The following CAPS2 variants were observed in gnomAD, a reference collection of about 807,000 sequenced individuals.
The protein encoded by CAPS2 is calcyphosine 2, also known as calcyphosin-2.
In CAPS2, 98 loss-of-function variants were observed where a neutral mutation model predicts 86.5. That is an observed-to-expected ratio of 1.13 (90% confidence interval 0.96 to 1.34). The LOEUF (loss-of-function observed/expected upper bound fraction) is 1.34, where lower values mean the gene tolerates loss of function less well. Ranked by LOEUF, CAPS2 falls within the 40% of genes most tolerant of loss-of-function variation. CAPS2 has a pLI of 0.00. For synonymous variants in CAPS2, 210 were observed against 225.1 expected (o/e 0.93, Z 0.60); for missense variants, 729 against 686.8 (o/e 1.06, Z -0.69).
At chr12:75,322,919 A>G in intron 4 of CAPS2, 4 of 995,596 alleles carry the variant, frequency 4.0e-6, no homozygotes, top group Non-Finnish European at 6.1e-6. Context: ...TAGACTGAAC[A>G]TAATAAATAT....
chr12:75,380,468 G>C (rs995033711), intron 1 of CAPS2, among the ~76,000 whole-genome samples: 2 of 151,916 alleles, frequency 1.3e-5, no homozygotes, highest in African/African-American at 4.8e-5. Context: ...ATATTCACTG[G>C]GTTTGCTTCT....
At chr12:75,300,555 C>CAAAAAAAAA (rs60853698) in intron 8 of CAPS2, among the ~76,000 whole-genome samples, 1 of 83,020 alleles carries the variant, frequency 1.2e-5, no homozygotes. Context: ...GACTCCGTCT[C>CAAAAAAAAA]AAAAAAAAAA....
intron 5 of CAPS2, among the ~76,000 whole-genome samples, chr12:75,316,884 G>A (rs1176881100): frequency 6.6e-6 from 1 of 151,998 alleles, no homozygotes; most frequent in African/African-American, 2.4e-5. Context: ...TAACCTTTGA[G>A]GTAAAAGATT....
chr12:75,361,481 C>G (rs1307699119), intron 1 of CAPS2, among the ~76,000 whole-genome samples: 1 of 152,202 alleles, frequency 6.6e-6, no homozygotes, highest in Non-Finnish European at 1.5e-5. Flanking sequence ...TCCTGCCACT[C>G]TCAACACCAT....
intron 1 of CAPS2, among the ~76,000 whole-genome samples, chr12:75,378,205 C>T (rs1593919858): frequency 6.6e-6 from 1 of 151,982 alleles, no homozygotes; most frequent in South Asian, 2.1e-4. Context: ...TGCCACGTTG[C>T]CCAGGCTGGT....
At chr12:75,337,869 G>A (rs188956020) in intron 1 of CAPS2, among the ~76,000 whole-genome samples, 24 of 151,828 alleles carry the variant, frequency 1.6e-4, no homozygotes, top group African/African-American at 4.8e-4. Flanking sequence ...GAAAGAATCC[G>A]GGGTTAGAGA....
At chr12:75,305,758 C>T (rs1440552479) in intron 7 of CAPS2, 1 of 712,104 alleles carries the variant, frequency 1.4e-6, no homozygotes, top group Non-Finnish European at 2.6e-6. Context: ...AGAAGATGAT[C>T]ATCTGGTTTC....
At chr12:75,325,831 C>T (rs529248105) in intron 1 of CAPS2, among the ~76,000 whole-genome samples, 2 of 152,054 alleles carry the variant, frequency 1.3e-5, no homozygotes, top group Non-Finnish European at 2.9e-5. Flanking sequence ...CAAGCTGTTA[C>T]ATTATAGTAC....
intron 1 of CAPS2, chr12:75,369,443 G>A: frequency 2.4e-6 from 2 of 837,700 alleles, no homozygotes; most frequent in South Asian, 5.5e-5. Context: ...GTAGTAGAAG[G>A]TCAAAAAAAT....
chr12:75,284,919 C>T (rs764725871), intron 15 of CAPS2, 42 bp downstream of exon 15: 1 of 1,514,584 alleles, frequency 6.6e-7, no homozygotes, highest in South Asian at 1.2e-5. Context: ...ACCTAACAAT[C>T]TATTAAAAAT....
At chr12:75,281,920 C>T (rs1249274985) in intron 16 of CAPS2, among the ~76,000 whole-genome samples, 2 of 152,028 alleles carry the variant, frequency 1.3e-5, no homozygotes, top group Non-Finnish European at 2.9e-5. Context: ...ACTATATAAG[C>T]AGATACAGTA....
chr12:75,292,403 T>G (rs1424075910), intron 12 of CAPS2, among the ~76,000 whole-genome samples: 1 of 151,918 alleles, frequency 6.6e-6, no homozygotes, highest in Non-Finnish European at 1.5e-5. Flanking sequence ...TTTTAAACAT[T>G]TAATTAAAAC....
chr12:75,300,929 AG>A (rs1197587819), intron 8 of CAPS2, among the ~76,000 whole-genome samples: 25 of 152,368 alleles, frequency 1.6e-4, no homozygotes, highest in East Asian at 1.9e-4. Context: ...AGTGATGTGT[AG>A]CTGAAAACAT....
At chr12:75,388,828 T>C (rs1032463656) in intron 1 of CAPS2, among the ~76,000 whole-genome samples, 2 of 152,176 alleles carry the variant, frequency 1.3e-5, no homozygotes, top group Non-Finnish European at 2.9e-5. Context: ...TCATCAGTTG[T>C]AAATGTACTA....
At chr12:75,385,869 T>A (rs1446785659) in intron 1 of CAPS2, among the ~76,000 whole-genome samples, 1 of 152,136 alleles carries the variant, frequency 6.6e-6, no homozygotes, top group Non-Finnish European at 1.5e-5. Flanking sequence ...CACAAACAAA[T>A]ACTTAGTCAT....
chr12:75,388,984 T>C (rs534143477), intron 1 of CAPS2, among the ~76,000 whole-genome samples: 2 of 151,784 alleles, frequency 1.3e-5, no homozygotes, highest in Admixed American at 6.6e-5. Flanking sequence ...AAGGAATTGG[T>C]AAAAAAAACA....
intron 14 of CAPS2, among the ~76,000 whole-genome samples, chr12:75,288,620 A>C (rs1202492111): frequency 1.3e-5 from 2 of 152,228 alleles, no homozygotes; most frequent in Admixed American, 1.3e-4. Context: ...TGTGGTTCAT[A>C]TGCTTTTAGA....
At position 75,354,563 on chromosome 12, in the gene CAPS2, A is replaced by C. The variant is rs569875465; in HGVS notation, c.-394-31341T>G. Among the ~76,000 whole-genome samples the C allele has an allele frequency of 3.3e-5, 5 of 152,356 alleles. No homozygotes were observed. In the East Asian group the frequency reaches 9.6e-4, roughly 29 times the overall value. On this transcript the variant is annotated intron_variant, in intron 1 of 5. Coordinates refer to the CAPS2 transcript ENST00000551829. ...TGAAAATGGCCATACTGCCCAAAGT[A>C]ATTTACAGATTCAATGCTATTCCCA...
chr12:75,320,651 GA>G (rs2040213656), intron 5 of CAPS2, among the ~76,000 whole-genome samples: 1 of 151,706 alleles, frequency 6.6e-6, no homozygotes, highest in Non-Finnish European at 1.5e-5. Context: ...TTACCTACAG[GA>G]AAATGCTAAG....
Sources: allele counts gnomAD v4.1 joint callset (sites outside exome capture counted in the v4.1 genomes callset), GRCh38; gene constraint gnomAD v4.1.1; transcripts MANE v1.5; gene names NCBI Gene and HGNC (gene_info 2026-07-23, HGNC 2026-07-21).